Variants in DLGAP3 observed in about 807,000 individuals in gnomAD.
DLGAP3 encodes the protein disks large-associated protein 3.
A neutral mutation model predicts 81.2 loss-of-function variants in DLGAP3; 17 were observed. The ratio of observed to expected loss-of-function variants is 0.21; its 90% CI spans 0.14 to 0.31. The LOEUF (loss-of-function observed/expected upper bound fraction) is 0.31. DLGAP3 is among the 10% of genes least tolerant of loss of function. The pLI is 1.00. For synonymous variants in DLGAP3, 577 were observed against 587.4 expected (o/e 0.98, Z 0.26); for missense variants, 1,124 against 1,388.0 (o/e 0.81, Z 3.02).
chr1:34,904,328 C>T lies in DLGAP3; in HGVS notation c.1056G>A (p.Gly352=), dbSNP rs372415552. Residue 352 remains glycine, a synonymous_variant, in exon 3 of 12, where the codon GGG becomes GGA. Transcript: ENST00000373347. The surrounding 1 kb of genome is among the most constrained non-coding windows in gnomAD (Gnocchi z 8.1). Reference sequence around the variant, plus strand: ...TGGCCTTGGTCTCCGGACCCAGGAGCCCCTTGCCTGGCCCGGCCCCCGGGT... The same window carrying T: ...TGGCCTTGGTCTCCGGACCCAGGAGTCCCTTGCCTGGCCCGGCCCCCGGGT... The part of the protein sequence containing the change: ...DGYPGAGPGK[G]LLGPETKAKA... The T allele has an allele frequency of 1.6e-5, 26 of 1,610,660 alleles. No homozygotes were observed. The African/African-American group carries it at 3.2e-4, about 20-fold the overall frequency.
In DLGAP3 at chr1:34,929,507, C is replaced by A. The variant is rs1056124512; in HGVS notation, c.-191G>T. 2.7e-5 allele frequency: 4 copies of A among 148,806 alleles called. No individual in the cohort carries two copies. Among genetic ancestry groups the A allele is most frequent in the African/African-American group, 9.7e-5 (4 of 41,080 alleles). 9.2% of individuals were successfully genotyped at this position (148,806 alleles called of 1,614,324 possible). The stretch of plus-strand genomic sequence containing the variant: ...TGGTGCCGGCGGCCCGGGCCGGGGG[C>A]GCTGCGGCGTTGGGCAGGCGGGCAG... On this transcript the variant is annotated 5_prime_UTR_variant, in exon 1 of 12. Transcript: ENST00000373347. The surrounding 1 kb of genome is among the most constrained non-coding windows in gnomAD (Gnocchi z 6.5).
At chr1:34,887,235 G>A (rs868139422) in intron 5 of DLGAP3, among the ~76,000 whole-genome samples, 27 of 152,042 alleles carry the variant, frequency 1.8e-4, no homozygotes, top group African/African-American at 6.3e-4. Context: ...GATTATAGGC[G>A]TGAGCCACCG....
intron 11 of DLGAP3, 111 bp downstream of exon 11, chr1:34,866,937 G>T: frequency 7.8e-7 from 1 of 1,287,338 alleles, no homozygotes; most frequent in Non-Finnish European, 1.1e-6. Context: ...GGCTGCCCTT[G>T]CTGCCCATGG....
At chr1:34,913,453 G>T (rs1354327683) in intron 1 of DLGAP3, among the ~76,000 whole-genome samples, 1 of 152,166 alleles carries the variant, frequency 6.6e-6, no homozygotes, top group Non-Finnish European at 1.5e-5. Flanking sequence ...CTCTGCCTCG[G>T]AAGAGACAGA....
intron 5 of DLGAP3, among the ~76,000 whole-genome samples, chr1:34,896,679 T>C (rs1178628817): frequency 6.6e-6 from 1 of 151,788 alleles, no homozygotes; most frequent in Non-Finnish European, 1.5e-5. Flanking sequence ...ACTGTCAGCT[T>C]CAGACGTTAA....
In DLGAP3 at chr1:34,900,395, T is replaced by C. The variant is rs1347683497; in HGVS notation, c.1108-122A>G. 3.0e-6 allele frequency: 3 copies of C among 1,010,916 alleles called. No homozygotes were observed. The African/African-American group carries it at 4.7e-5, about 16-fold the overall frequency. The allele number at this position is 1,010,916 out of a possible 1,614,324, so 62.6% of individuals were successfully genotyped here. ...GCTTGAACAGGCACACTCAGGTACA[T>C]GCAGAGGCAGAAGGGGAGGTAGGGT... On this transcript the variant is annotated intron_variant, in intron 3 of 11. Transcript: ENST00000373347. This position sits in a 1 kb window ranked among gnomAD's most constrained non-coding sequence, Gnocchi z 5.6.
rs144687700 is a variant in DLGAP3 at position 34,868,627 on chromosome 1, C to T, written c.2463G>A (p.Glu821=). 255 of 1,612,916 alleles carry T rather than the reference C, an allele frequency of 1.6e-4. No homozygotes were observed. The highest frequency in any genetic ancestry group is 2.0e-4 in the Non-Finnish European group (239 of 1,179,998). The change falls in exon 9 of 12, where the codon GAG becomes GAA. Residue 821 remains glutamate, a synonymous_variant. Coordinates refer to ENST00000373347, the MANE Select transcript of DLGAP3 (RefSeq NM_001080418.3). This position sits in a 1 kb window ranked among gnomAD's most constrained non-coding sequence, Gnocchi z 7.5. ...HWCQQMEREA[E]DYELPEEILE... ...CACTCTCCTCGGGTAGCTCATAGTC[C>T]TCCGCCTCACGCTCCATCTGCTGGC...
In DLGAP3 at chr1:34,885,357, A is replaced by C. The variant is rs1639203849; in HGVS notation, c.1914+121T>G. The C allele has an allele frequency of 2.6e-6, 3 of 1,135,514 alleles. No individual in the cohort carries two copies. The South Asian group carries it at 4.0e-5, about 15-fold the overall frequency. 70.3% of individuals were successfully genotyped at this position (1,135,514 alleles called of 1,614,324 possible). ...CCGTCGATGTCCAGGCACGGGGTTC[A>C]CTTGCAGCTCAGGGCAAGCCAGAAA... On this transcript the variant is annotated intron_variant, in intron 7 of 11. Coordinates refer to ENST00000373347, the MANE Select transcript of DLGAP3 (RefSeq NM_001080418.3).
intron 1 of DLGAP3, among the ~76,000 whole-genome samples, chr1:34,922,577 C>T (rs944684182): frequency 1.3e-5 from 2 of 152,126 alleles, no homozygotes; most frequent in East Asian, 3.9e-4. Flanking sequence ...TAATTTCCTT[C>T]ACATTCACAT....
In DLGAP3 at chr1:34,866,103, C is replaced by A; in HGVS notation, c.2920G>T (p.Glu974Ter). 6.3e-7 allele frequency: 1 copy of A among 1,599,236 alleles called. No individual in the cohort carries two copies. The change falls in exon 12 of 12, where the codon GAG becomes TAG. Residue 974 changes from glutamate to a stop codon, truncating the protein, a stop_gained. Coordinates refer to ENST00000373347, the MANE Select transcript of DLGAP3 (RefSeq NM_001080418.3). LOFTEE classifies it high-confidence loss of function. Reference protein sequence around the residue: ...SADSIEIYIPEAQTRL With the variant: ...SADSIEIYIP ...ACCGGTCACAGCCTGGTCTGGGCCT[C>A]GGGGATGTAGATCTCGATGCTGTCG... is the stretch of plus-strand genomic sequence containing the variant.
chr1:34,907,552 T>A (rs1327917512), intron 1 of DLGAP3, 115 bp from the exon 2 acceptor site: 1 of 152,610 alleles, frequency 6.6e-6, no homozygotes, highest in Admixed American at 6.5e-5. Flanking sequence ...AAACCAGGAC[T>A]GATTGGATCC....
At chr1:34,899,796 A>C in intron 4 of DLGAP3, 55 bp from the exon 5 acceptor site, 2 of 1,526,614 alleles carry the variant, frequency 1.3e-6, no homozygotes, top group Non-Finnish European at 1.8e-6. Flanking sequence ...GAGGTGGGGG[A>C]GGGGAGATAA....
At chr1:34,907,137 C>T (rs142189861) in intron 2 of DLGAP3, among the ~76,000 whole-genome samples, 13 of 152,270 alleles carry the variant, frequency 8.5e-5, no homozygotes, top group Admixed American at 7.8e-4. Context: ...AAGTACTCGC[C>T]ATATACCAGG....
At chr1:34,915,729 C>T (rs1290458050) in intron 1 of DLGAP3, among the ~76,000 whole-genome samples, 1 of 152,212 alleles carries the variant, frequency 6.6e-6, no homozygotes, top group Admixed American at 6.5e-5. Flanking sequence ...TGCCTGAAAC[C>T]CTGCCTGACC....
Position 34,876,546 on chromosome 1 carries a change from G to C in DLGAP3, c.2001-7457C>G, listed in dbSNP as rs570142141. 3.3e-5 allele frequency among the ~76,000 whole-genome samples: 5 copies of C among 152,302 alleles called. No homozygotes were observed. In the East Asian group the frequency reaches 9.6e-4, roughly 29 times the overall value. On this transcript the variant is annotated intron_variant, in intron 8 of 11. Coordinates refer to ENST00000373347, the MANE Select transcript of DLGAP3 (RefSeq NM_001080418.3). ...TTATGCACCAGTTGGGGCATGGTGT[G>C]TGAGGAGTCAGACTTAAAGTGCCAG...
At chr1:34,927,598 T>C (rs924912029) in intron 1 of DLGAP3, among the ~76,000 whole-genome samples, 1 of 152,132 alleles carries the variant, frequency 6.6e-6, no homozygotes, top group African/African-American at 2.4e-5. Context: ...CATGTTCCTT[T>C]TAGAAACACC....
Position 34,866,284 on chromosome 1 carries a change from AG to A in DLGAP3, c.2738del (p.Pro913LeufsTer16). 1 of 1,532,884 alleles carries A rather than the reference AG, an allele frequency of 6.5e-7. No homozygotes were observed. The allele number at this position is 1,532,884 out of a possible 1,614,324, so 95.0% of individuals were successfully genotyped here. ...LLEPKEEKKV[P>X]PPIPKKPLRG... ...GCAGGGGCTTCTTTGGTATCGGCGG[AG>A]GGACCTTCTTCTCCTCCTGCGGGGC... On this transcript the variant is annotated frameshift_variant, in exon 12 of 12. Coordinates refer to ENST00000373347, the MANE Select transcript of DLGAP3 (RefSeq NM_001080418.3). LOFTEE classifies it high-confidence loss of function.
chr1:34,885,821 G>C, intron 6 of DLGAP3, 30 bp from the exon 7 acceptor site: 1 of 1,392,342 alleles, frequency 7.2e-7, no homozygotes, highest in Non-Finnish European at 9.3e-7. Flanking sequence ...AGACGCAGTG[G>C]GTGAGGCTCG....
intron 5 of DLGAP3, among the ~76,000 whole-genome samples, chr1:34,886,559 G>A (rs1308911799): frequency 1.4e-5 from 2 of 144,374 alleles, no homozygotes; most frequent in Non-Finnish European, 3.0e-5. Flanking sequence ...TCTTCCAGGT[G>A]TCTGGCTGGC....
Sources: allele counts gnomAD v4.1 joint callset (sites outside exome capture counted in the v4.1 genomes callset), GRCh38; gene constraint gnomAD v4.1.1; non-coding constraint Gnocchi (gnomAD v3.1); transcripts MANE v1.5; gene names NCBI Gene and HGNC (gene_info 2026-07-23, HGNC 2026-07-21).